The following CDH12 variants were observed in gnomAD, a reference collection of about 807,000 sequenced individuals.
CDH12 encodes cadherin 12.
A neutral mutation model predicts 74.1 loss-of-function variants in CDH12; 41 were observed. The observed-to-expected ratio is 0.55, with a 90% CI of 0.43 to 0.72. The LOEUF (loss-of-function observed/expected upper bound fraction) is 0.72. Ranked by LOEUF, CDH12 falls within the 30% of genes least tolerant of loss-of-function variation. The pLI, the probability that CDH12 is intolerant of heterozygous loss-of-function variation, is 0.00. For synonymous variants in CDH12, 399 were observed against 355.0 expected (o/e 1.12, Z -1.39); for missense variants, 945 against 977.2 (o/e 0.97, Z 0.44).
chr5:22,397,704 T>C (rs1742518140), intron 3 of CDH12, among the ~76,000 whole-genome samples: 2 of 152,112 alleles, frequency 1.3e-5, no homozygotes, highest in South Asian at 4.1e-4. Flanking sequence ...ATTGTATTTC[T>C]CCAAAAATCG....
intron 4 of CDH12, among the ~76,000 whole-genome samples, chr5:22,106,364 A>C (rs1744443024): frequency 6.6e-6 from 1 of 152,174 alleles, no homozygotes; most frequent in Admixed American, 6.6e-5. Context: ...GCAAATTTTC[A>C]ATCATTTTGG....
intron 3 of CDH12, among the ~76,000 whole-genome samples, chr5:22,375,012 A>C (rs929964270): frequency 6.6e-6 from 1 of 152,168 alleles, no homozygotes; most frequent in African/African-American, 2.4e-5. Context: ...TACTGAGCAA[A>C]ATATATGAAG....
At chr5:21,893,736 A>G (rs1178860890) in intron 6 of CDH12, among the ~76,000 whole-genome samples, 1 of 152,214 alleles carries the variant, frequency 6.6e-6, no homozygotes, top group Non-Finnish European at 1.5e-5. Context: ...TGCAACATTA[A>G]GAATGAATCA....
intron 5 of CDH12, among the ~76,000 whole-genome samples, chr5:22,038,133 C>T (rs1025258158): frequency 6.6e-6 from 1 of 152,164 alleles, no homozygotes; most frequent in Non-Finnish European, 1.5e-5. Context: ...AGGTACTGTA[C>T]TACACCCCTT....
At chr5:22,655,911 A>T (rs1160417777) in intron 1 of CDH12, among the ~76,000 whole-genome samples, 1 of 152,220 alleles carries the variant, frequency 6.6e-6, no homozygotes, top group Non-Finnish European at 1.5e-5. Context: ...TATAGTGATG[A>T]TGAATATATC....
chr5:22,628,830 A>G lies in CDH12; in HGVS notation c.-522-123466T>C, dbSNP rs146873222. On this transcript the variant is annotated intron_variant, in intron 1 of 14. Coordinates refer to ENST00000382254, the MANE Select transcript of CDH12 (RefSeq NM_004061.5). Reference sequence around the variant, plus strand: ...AGAAGTTGATGTTTTGAAAGAATAAATAAGATTGATAGACTGCTAGCTAGA... The same window carrying G: ...AGAAGTTGATGTTTTGAAAGAATAAGTAAGATTGATAGACTGCTAGCTAGA... Among the ~76,000 whole-genome samples the G allele has an allele frequency of 2.5e-3, 379 of 152,204 alleles. 1 individual carries two copies. Among genetic ancestry groups the G allele is most frequent in the Non-Finnish European group, 4.4e-3 (297 of 67,968 alleles).
intron 3 of CDH12, among the ~76,000 whole-genome samples, chr5:22,377,470 T>A (rs1481638798): frequency 1.3e-5 from 2 of 152,082 alleles, no homozygotes; most frequent in Non-Finnish European, 2.9e-5. Context: ...GAGGGCCAAG[T>A]GTGTCCTCAT....
intron 6 of CDH12, among the ~76,000 whole-genome samples, chr5:21,875,353 A>C (rs992914615): frequency 7.2e-5 from 11 of 152,196 alleles, no homozygotes; most frequent in African/African-American, 2.4e-4. Flanking sequence ...ATTCATGTGA[A>C]AATGCATATA....
chr5:21,765,406 T>G (rs1744965327), intron 11 of CDH12, among the ~76,000 whole-genome samples: 1 of 152,088 alleles, frequency 6.6e-6, no homozygotes, highest in South Asian at 2.1e-4. Flanking sequence ...AACAGTGATA[T>G]TTTTCCCCAG....
At chr5:21,798,211 T>C (rs1351235957) in intron 10 of CDH12, among the ~76,000 whole-genome samples, 1 of 151,680 alleles carries the variant, frequency 6.6e-6, no homozygotes, top group Non-Finnish European at 1.5e-5. Context: ...GCAGCAGATT[T>C]TGGAGAATAC....
intron 1 of CDH12, among the ~76,000 whole-genome samples, chr5:22,712,959 T>C (rs1260220396): frequency 6.6e-6 from 1 of 152,014 alleles, no homozygotes; most frequent in Non-Finnish European, 1.5e-5. Flanking sequence ...AATAATATAA[T>C]CAGCAATCCA....
intron 1 of CDH12, among the ~76,000 whole-genome samples, chr5:22,598,869 G>T (rs1448786879): frequency 6.6e-6 from 1 of 152,088 alleles, no homozygotes; most frequent in Non-Finnish European, 1.5e-5. Flanking sequence ...CCCAAAATAA[G>T]GTAATCAATG....
At chr5:21,785,504 T>G (rs964226047) in intron 10 of CDH12, among the ~76,000 whole-genome samples, 12 of 152,190 alleles carry the variant, frequency 7.9e-5, no homozygotes, top group Admixed American at 6.5e-5. Flanking sequence ...GGAAGAGTCC[T>G]TGAAGGAAAT....
At chr5:22,574,771 T>A (rs1209756298) in intron 1 of CDH12, among the ~76,000 whole-genome samples, 1 of 152,140 alleles carries the variant, frequency 6.6e-6, no homozygotes, top group African/African-American at 2.4e-5. Flanking sequence ...TGGGTTTCCA[T>A]GACTATACTT....
At chr5:21,843,838 G>A (rs1350953723) in intron 7 of CDH12, among the ~76,000 whole-genome samples, 1 of 152,046 alleles carries the variant, frequency 6.6e-6, no homozygotes, top group Non-Finnish European at 1.5e-5. Context: ...TAAGTTATGT[G>A]ACTTCTGCCT....
intron 3 of CDH12, among the ~76,000 whole-genome samples, chr5:22,218,920 C>A (rs1751916202): frequency 6.6e-6 from 1 of 151,644 alleles, no homozygotes; most frequent in South Asian, 2.1e-4. Flanking sequence ...ATATTTCTAA[C>A]CGTTTCTTAA....
chr5:22,463,291 C>T (rs1354592681), intron 2 of CDH12, among the ~76,000 whole-genome samples: 1 of 152,022 alleles, frequency 6.6e-6, no homozygotes, highest in African/African-American at 2.4e-5. Context: ...ACATATGAAA[C>T]AATCAATGAT....
rs769121506 is a variant in CDH12 at position 22,415,928 on chromosome 5, C to T, written c.-427-10577G>A. On this transcript the variant is annotated intron_variant, in intron 2 of 14. Transcript: ENST00000382254. ...AACAATAAAAAAAAAAATTGAACTA[C>T]GAAAGCAGAGAGTAAACTGCTAAAG... 1.6e-4 allele frequency among the ~76,000 whole-genome samples: 24 copies of T among 151,924 alleles called. No homozygotes were observed. In the South Asian group the frequency reaches 4.2e-3, roughly 26 times the overall value.
chr5:22,605,306 C>G (rs531941759), intron 1 of CDH12, among the ~76,000 whole-genome samples: 2 of 152,300 alleles, frequency 1.3e-5, no homozygotes, highest in Admixed American at 6.5e-5. Flanking sequence ...ATCTCTTTCT[C>G]TATATACATT....
Sources: allele counts gnomAD v4.1 joint callset (sites outside exome capture counted in the v4.1 genomes callset), GRCh38; gene constraint gnomAD v4.1.1; transcripts MANE v1.5; gene names NCBI Gene and HGNC (gene_info 2026-07-23, HGNC 2026-07-21).